The following CTNNA3 variants were observed in gnomAD, a reference collection of about 807,000 sequenced individuals.
CTNNA3 encodes catenin alpha 3.
Under a neutral mutation model 95.7 loss-of-function variants are expected in CTNNA3, and 76 were observed. That is an observed-to-expected ratio of 0.79 (90% confidence interval 0.66 to 0.96). The LOEUF is 0.96. Ranked by LOEUF, CTNNA3 falls within the 40% of genes least tolerant of loss-of-function variation. The probability of loss-of-function intolerance (pLI) is 0.00; values close to 1 mark genes in which losing one functional copy is unlikely to be tolerated. For missense variants in CTNNA3, 1,191 were observed against 1,089.8 expected, an observed-to-expected ratio of 1.09 and a Z score of -1.31; for synonymous variants, 431 against 374.4, an observed-to-expected ratio of 1.15 and a Z score of -1.74.
At chr10:66,346,246 T>TATATATATAGAG (rs1416945569) in intron 12 of CTNNA3, among the ~76,000 whole-genome samples, 9 of 27,788 alleles carry the variant, frequency 3.2e-4, no homozygotes, top group Admixed American at 7.2e-4. Context: ...TATATATATA[T>TATATATATAGAG]AGAGAGAGAG....
At chr10:66,570,275 A>ATTTGTTTTGTTTTGTTTTGT (rs59062164) in intron 10 of CTNNA3, among the ~76,000 whole-genome samples, 18 of 151,138 alleles carry the variant, frequency 1.2e-4, no homozygotes, top group Admixed American at 2.6e-4. Flanking sequence ...CAAAAATATG[A>ATTTGTTTTGTTTTGTTTTGT]TTTGTTTTGT....
intron 7 of CTNNA3, among the ~76,000 whole-genome samples, chr10:66,820,161 A>G (rs959956126): frequency 1.3e-5 from 2 of 152,186 alleles, no homozygotes; most frequent in African/African-American, 4.8e-5. Context: ...CATCATAAAA[A>G]TGGAATGAAA....
At chr10:66,003,944 T>C (rs552625960) in intron 15 of CTNNA3, among the ~76,000 whole-genome samples, 3 of 152,344 alleles carry the variant, frequency 2.0e-5, no homozygotes, top group African/African-American at 7.2e-5. Flanking sequence ...TCACATCATA[T>C]GCTGCTTCGC....
intron 1 of CTNNA3, among the ~76,000 whole-genome samples, chr10:67,712,144 A>C (rs913648032): frequency 6.6e-6 from 1 of 152,222 alleles, no homozygotes; most frequent in Non-Finnish European, 1.5e-5. Flanking sequence ...CAAATGTCCA[A>C]CAATGATAGA....
intron 9 of CTNNA3, among the ~76,000 whole-genome samples, chr10:66,628,698 G>A (rs1845026120): frequency 6.6e-6 from 1 of 152,110 alleles, no homozygotes; most frequent in African/African-American, 2.4e-5. Flanking sequence ...TGGTGTCTAT[G>A]CCCCTTGGAC....
chr10:66,588,713 A>G (rs1450809014), intron 10 of CTNNA3, among the ~76,000 whole-genome samples: 1 of 152,166 alleles, frequency 6.6e-6, no homozygotes, highest in African/African-American at 2.4e-5. Context: ...AAGGAAGAAT[A>G]CCAGCATATT....
chr10:67,270,130 CAAAAAAA>C lies in CTNNA3; in HGVS notation c.580-50267_580-50261del, dbSNP rs201216673. ...GATAATTTACACCACCAGTATTTGT[CAAAAAAA>C]AAAAAAAAAGCTGAAAATACAGAAC... is the stretch of plus-strand genomic sequence containing the variant. On this transcript the variant is annotated intron_variant, in intron 5 of 17. Coordinates refer to ENST00000433211, the MANE Select transcript of CTNNA3 (RefSeq NM_013266.4). 6.9e-4 allele frequency among the ~76,000 whole-genome samples: 69 copies of C among 100,614 alleles called. 1 individual carries two copies. Among genetic ancestry groups the C allele is most frequent in the African/African-American group, 2.3e-3 (68 of 29,406 alleles). 66.0% of individuals were successfully genotyped at this position (100,614 alleles called of 152,430 possible).
At chr10:66,318,258 G>GGA (rs2092128704) in intron 12 of CTNNA3, among the ~76,000 whole-genome samples, 3 of 103,336 alleles carry the variant, frequency 2.9e-5, no homozygotes, top group South Asian at 8.2e-4. Flanking sequence ...GGAGTTGCTG[G>GGA]GAGATATATA....
intron 11 of CTNNA3, among the ~76,000 whole-genome samples, chr10:66,479,763 G>A (rs1175336358): frequency 7.3e-6 from 1 of 137,414 alleles, no homozygotes; most frequent in African/African-American, 3.0e-5. Context: ...TTTTAGGTGT[G>A]TTTTTAACTG....
intron 14 of CTNNA3, among the ~76,000 whole-genome samples, chr10:66,072,384 C>T (rs976747991): frequency 1.3e-5 from 2 of 152,070 alleles, no homozygotes; most frequent in African/African-American, 4.8e-5. Flanking sequence ...CTTCATTATC[C>T]TTACTTTGTT....
chr10:66,364,742 T>G (rs2202649), intron 12 of CTNNA3, among the ~76,000 whole-genome samples: 143,430 of 152,180 alleles, frequency 0.94, 68,146 homozygotes, highest in East Asian at 1. Flanking sequence ...GAGTTTAACG[T>G]ATTTTCACAA....
intron 7 of CTNNA3, among the ~76,000 whole-genome samples, chr10:66,937,785 C>T (rs958110969): frequency 2.6e-5 from 4 of 152,074 alleles, no homozygotes; most frequent in African/African-American, 7.2e-5. Flanking sequence ...TGAGAAATGC[C>T]CTTCCTCCCT....
In CTNNA3 at chr10:67,570,243, C is replaced by G. The variant is rs149488879; in HGVS notation, c.293-30574G>C. Among the ~76,000 whole-genome samples, 38 of 152,180 alleles carry G rather than the reference C, an allele frequency of 2.5e-4. No individual in the cohort carries two copies. The East Asian group carries it at 3.9e-3, about 15-fold the overall frequency. The stretch of plus-strand genomic sequence containing the variant: ...TTCTTCTATTACTTCCCCACATCGT[C>G]TTTCTCTTTCCTCATTGACTTCTTC... On this transcript the variant is annotated intron_variant, in intron 3 of 17. Coordinates refer to ENST00000433211, the MANE Select transcript of CTNNA3 (RefSeq NM_013266.4).
At chr10:66,759,948 T>C (rs934402054) in intron 9 of CTNNA3, among the ~76,000 whole-genome samples, 1 of 152,128 alleles carries the variant, frequency 6.6e-6, no homozygotes, top group African/African-American at 2.4e-5. Flanking sequence ...AATTTAAAAC[T>C]ATACATGTAA....
At chr10:66,970,219 A>G (rs965197087) in intron 7 of CTNNA3, among the ~76,000 whole-genome samples, 2 of 152,274 alleles carry the variant, frequency 1.3e-5, no homozygotes, top group Middle Eastern at 6.8e-3. Flanking sequence ...GTAAGAAGGT[A>G]TTAGATTCAA....
intron 10 of CTNNA3, among the ~76,000 whole-genome samples, chr10:66,616,500 C>A: frequency 6.6e-6 from 1 of 152,014 alleles, no homozygotes; most frequent in East Asian, 1.9e-4. Context: ...TAAAAATTCC[C>A]TATTGCTTTT....
At chr10:67,136,496 G>T (rs983538964) in intron 7 of CTNNA3, among the ~76,000 whole-genome samples, 2 of 151,818 alleles carry the variant, frequency 1.3e-5, no homozygotes, top group African/African-American at 4.8e-5. Context: ...GCACACAAGA[G>T]AAAATAAAAG....
intron 13 of CTNNA3, among the ~76,000 whole-genome samples, chr10:66,222,599 C>CGAAAGAAAGAAAGAAAGAAA (rs67153927): frequency 0.026 from 2,168 of 82,822 alleles, 19 homozygotes; most frequent in Non-Finnish European, 0.041. Context: ...AAAGAAAGAA[C>CGAAAGAAAGAAAGAAAGAAA]GAAAGAAAGA....
intron 5 of CTNNA3, among the ~76,000 whole-genome samples, chr10:67,437,544 AC>A (rs753751005): frequency 5.9e-5 from 9 of 152,116 alleles, no homozygotes; most frequent in Non-Finnish European, 1.3e-4. Flanking sequence ...ACACAAAAAA[AC>A]AACTAATTTT....
Sources: allele counts gnomAD v4.1 joint callset (sites outside exome capture counted in the v4.1 genomes callset), GRCh38; gene constraint gnomAD v4.1.1; transcripts MANE v1.5; gene names NCBI Gene and HGNC (gene_info 2026-07-23, HGNC 2026-07-21).